The following POU2AF2 variants were observed in gnomAD, a reference collection of about 807,000 sequenced individuals.
POU2AF2 encodes POU class 2 homeobox associating factor 2, also known as POU domain class 2-associating factor 2.
At chr11:111,274,282 A>T in the POU2AF2 span, among the ~76,000 whole-genome samples, 1 of 152,138 alleles carries the variant, frequency 6.6e-6, no homozygotes, top group Non-Finnish European at 1.5e-5. Flanking sequence ...GAGGTCCATT[A>T]TCACTGACTT....
the POU2AF2 span, among the ~76,000 whole-genome samples, chr11:111,254,338 TG>T: frequency 6.6e-6 from 1 of 152,360 alleles, no homozygotes; most frequent in Admixed American, 6.5e-5. Context: ...CAAATAACTT[TG>T]TTTTGCTGAA....
chr11:111,278,446 G>T, the POU2AF2 span, among the ~76,000 whole-genome samples: 1 of 152,182 alleles, frequency 6.6e-6, no homozygotes, highest in Non-Finnish European at 1.5e-5. Context: ...CCTGTGTGAT[G>T]GCATTTGGAG....
At chr11:111,274,415 G>C in the POU2AF2 span, among the ~76,000 whole-genome samples, 1 of 152,016 alleles carries the variant, frequency 6.6e-6, no homozygotes, top group African/African-American at 2.4e-5. Flanking sequence ...GGTCACAAGT[G>C]TTCATCAAAT....
At chr11:111,270,864 T>A in the POU2AF2 span, among the ~76,000 whole-genome samples, 1 of 152,214 alleles carries the variant, frequency 6.6e-6, no homozygotes, top group African/African-American at 2.4e-5. Flanking sequence ...TGGCACCTGC[T>A]GGCCTTCTGA....
the POU2AF2 span, among the ~76,000 whole-genome samples, chr11:111,260,213 T>A: frequency 6.6e-6 from 1 of 152,218 alleles, no homozygotes; most frequent in African/African-American, 2.4e-5. Flanking sequence ...TTCTCATATA[T>A]CGAGTAAGTT....
At chr11:111,277,403 A>G in the POU2AF2 span, among the ~76,000 whole-genome samples, 1 of 152,230 alleles carries the variant, frequency 6.6e-6, no homozygotes, top group Non-Finnish European at 1.5e-5. Context: ...GCCTGGGCAG[A>G]AGATGGAGGA....
the POU2AF2 span, among the ~76,000 whole-genome samples, chr11:111,271,717 C>T: frequency 6.6e-6 from 1 of 152,172 alleles, no homozygotes; most frequent in Non-Finnish European, 1.5e-5. Flanking sequence ...AACCACTGTA[C>T]CTGGCACAAA....
At chr11:111,274,602 T>TAGAG in the POU2AF2 span, among the ~76,000 whole-genome samples, 1 of 151,090 alleles carries the variant, frequency 6.6e-6, no homozygotes, top group East Asian at 1.9e-4. Flanking sequence ...CAGAGACAGA[T>TAGAG]AGACAGACAG....
the POU2AF2 span, among the ~76,000 whole-genome samples, chr11:111,259,728 A>G: frequency 6.6e-6 from 1 of 152,220 alleles, no homozygotes; most frequent in African/African-American, 2.4e-5. Context: ...GATAACTTCT[A>G]GAACAAAAAA....
the POU2AF2 span, among the ~76,000 whole-genome samples, chr11:111,271,271 C>T: frequency 2.0e-5 from 3 of 151,742 alleles, no homozygotes; most frequent in Non-Finnish European, 2.9e-5. Context: ...TGCAGTGAGC[C>T]GGGATCATGC....
chr11:111,250,186 G>A, the POU2AF2 span, among the ~76,000 whole-genome samples: 3 of 152,148 alleles, frequency 2.0e-5, no homozygotes, highest in East Asian at 5.8e-4. Flanking sequence ...GGGGGTTGGG[G>A]GGTGTGTGTG....
the POU2AF2 span, among the ~76,000 whole-genome samples, chr11:111,262,484 A>G: frequency 1.3e-5 from 2 of 152,234 alleles, no homozygotes; most frequent in Admixed American, 1.3e-4. Context: ...AAACATCATG[A>G]CATCTAGATC....
the POU2AF2 span, among the ~76,000 whole-genome samples, chr11:111,260,616 A>C: frequency 2.6e-5 from 4 of 152,340 alleles, no homozygotes; most frequent in East Asian, 5.8e-4. Context: ...GGCCACAGTC[A>C]AGGAATATCT....
the POU2AF2 span, chr11:111,284,497 G>C: frequency 1.0e-5 from 13 of 1,246,402 alleles, no homozygotes; most frequent in Non-Finnish European, 1.4e-5. Flanking sequence ...AGACTCCAGA[G>C]GCTGCTTTGC....
chr11:111,256,168 T>C, the POU2AF2 span: 1 of 398,372 alleles, frequency 2.5e-6, no homozygotes, highest in African/African-American at 2.1e-5. Flanking sequence ...ACCAATCACC[T>C]ACTTCCTGGG....
At chr11:111,276,447 A>ATAT in the POU2AF2 span, among the ~76,000 whole-genome samples, 79 of 30,244 alleles carry the variant, frequency 2.6e-3, no homozygotes, top group African/African-American at 6.3e-3. Flanking sequence ...AAGAAAAAAA[A>ATAT]AAAAAAATAT....
chr11:111,255,830 T>C, the POU2AF2 span, among the ~76,000 whole-genome samples: 1 of 152,212 alleles, frequency 6.6e-6, no homozygotes, highest in African/African-American at 2.4e-5. Context: ...ACGGCTCTAT[T>C]GAAGCTACTC....
At chr11:111,265,672 T>C in the POU2AF2 span, among the ~76,000 whole-genome samples, 4 of 152,258 alleles carry the variant, frequency 2.6e-5, no homozygotes, top group South Asian at 8.3e-4. Context: ...TACATAGCGG[T>C]ACTTGATAAA....
At chr11:111,261,071 G>T in the POU2AF2 span, among the ~76,000 whole-genome samples, 1 of 152,190 alleles carries the variant, frequency 6.6e-6, no homozygotes, top group South Asian at 2.1e-4. Context: ...CCAAAGACTA[G>T]AAATTAAAAC....
Sources: allele counts gnomAD v4.1 joint callset (sites outside exome capture counted in the v4.1 genomes callset), GRCh38; gene constraint gnomAD v4.1.1; transcripts MANE v1.5; gene names NCBI Gene and HGNC (gene_info 2026-07-23, HGNC 2026-07-21).